The following ROCK2 variants were observed in gnomAD, a reference collection of about 807,000 sequenced individuals.
The protein encoded by ROCK2 is rho-associated protein kinase 2.
Under a neutral mutation model 195.1 loss-of-function variants are expected in ROCK2, and 61 were observed. The observed-to-expected ratio is 0.31, with a 90% CI of 0.25 to 0.39. The LOEUF is 0.39. ROCK2 is among the 10% of genes least tolerant of loss of function. The pLI, the probability that ROCK2 is intolerant of heterozygous loss-of-function variation, is 1.00. For missense variants in ROCK2, 1,109 were observed against 1,637.4 expected (o/e 0.68, Z 5.57); for synonymous variants, 504 against 545.5 (o/e 0.92, Z 1.06).
Position 11,318,554 on chromosome 2 carries a change from T to C in ROCK2, c.141+25442A>G, listed in dbSNP as rs139187574. The stretch of plus-strand genomic sequence containing the variant: ...CAAAAATTTTCTCCCATTCTATAGG[T>C]TGCCTGTTCTGATGGTAGTTTCTTT... On this transcript the variant is annotated intron_variant, in intron 1 of 32. Transcript: ENST00000315872. Among the ~76,000 whole-genome samples the C allele has an allele frequency of 3.9e-3, 593 of 152,272 alleles. 2 individuals carry two copies. The highest frequency in any genetic ancestry group is 0.013 in the African/African-American group (531 of 41,548).
At chr2:11,254,048 T>A (rs1003656256) in intron 3 of ROCK2, among the ~76,000 whole-genome samples, 1 of 152,176 alleles carries the variant, frequency 6.6e-6, no homozygotes, top group Non-Finnish European at 1.5e-5. Flanking sequence ...GGGAGTGGGT[T>A]TGAACAAATC....
At chr2:11,191,312 A>G (rs1478940346) in intron 32 of ROCK2, among the ~76,000 whole-genome samples, 3 of 152,234 alleles carry the variant, frequency 2.0e-5, no homozygotes, top group African/African-American at 7.2e-5. Context: ...TCACATAGCT[A>G]TCCGAAAATG....
chr2:11,269,853 C>T (rs1213062422), intron 3 of ROCK2, among the ~76,000 whole-genome samples: 1 of 152,150 alleles, frequency 6.6e-6, no homozygotes, highest in East Asian at 1.9e-4. Flanking sequence ...CAGGCTCAAG[C>T]AATCCTGCCA....
intron 1 of ROCK2, among the ~76,000 whole-genome samples, chr2:11,312,462 C>A (rs148939442): frequency 7.8e-4 from 118 of 152,214 alleles, no homozygotes; most frequent in African/African-American, 2.7e-3. Flanking sequence ...CCCCCACTTT[C>A]TCCAAGCAAC....
intron 17 of ROCK2, among the ~76,000 whole-genome samples, chr2:11,212,207 GT>G (rs1664274369): frequency 1.3e-5 from 2 of 152,056 alleles, no homozygotes; most frequent in Non-Finnish European, 2.9e-5. Flanking sequence ...GTGGGCCATG[GT>G]GCTCAACCTT....
At position 11,197,842 on chromosome 2, in the gene ROCK2, C is replaced by A; in HGVS notation, c.3100-137G>T. 2.2e-6 allele frequency: 1 copy of A among 452,336 alleles called. No homozygotes were observed. Among genetic ancestry groups the A allele is most frequent in the Non-Finnish European group, 3.6e-6 (1 of 275,826 alleles). 28.0% of individuals were successfully genotyped at this position (452,336 alleles called of 1,614,324 possible). On this transcript the variant is annotated intron_variant, in intron 25 of 32. Transcript: ENST00000315872. The surrounding 1 kb of genome is among the most constrained non-coding windows in gnomAD (Gnocchi z 4.9). The stretch of plus-strand genomic sequence containing the variant: ...CTACATACAGGGCTACAAAGAAACA[C>A]TTTCTATAATATTTAAATAATACAC...
intron 1 of ROCK2, among the ~76,000 whole-genome samples, chr2:11,312,700 C>T (rs892464585): frequency 2.6e-5 from 4 of 151,934 alleles, no homozygotes; most frequent in Non-Finnish European, 5.9e-5. Flanking sequence ...ATGTTTTTAG[C>T]AGCTTTATAA....
At chr2:11,308,779 C>A in intron 1 of ROCK2, 2 of 1,612,242 alleles carry the variant, frequency 1.2e-6, no homozygotes, top group Non-Finnish European at 1.7e-6. Context: ...AAAGGTTTAC[C>A]AGCACCAAGT....
rs116441568 is a variant in ROCK2, at chr2:11,262,586, A to G, written c.325-12788T>C. ...AGTCTCATGAGATCTAATGGTTATT[A>G]TAAGGGGGGAGTTTTCCTGCACAAG... On this transcript the variant is annotated intron_variant, in intron 3 of 32. Coordinates refer to ENST00000315872, the MANE Select transcript of ROCK2 (RefSeq NM_004850.5). Among the ~76,000 whole-genome samples, 1,176 of 152,248 alleles carry G rather than the reference A, an allele frequency of 7.7e-3. 23 individuals are homozygous for G. The highest frequency in any genetic ancestry group is 0.027 in the African/African-American group (1,118 of 41,548).
chr2:11,204,219 C>T (rs932331596), intron 20 of ROCK2, among the ~76,000 whole-genome samples: 2 of 152,142 alleles, frequency 1.3e-5, no homozygotes, highest in African/African-American at 2.4e-5. Context: ...TCCCTGTTGT[C>T]AGACTTGAAT....
intron 1 of ROCK2, among the ~76,000 whole-genome samples, chr2:11,318,737 GA>G (rs2148244436): frequency 6.6e-6 from 1 of 152,230 alleles, no homozygotes; most frequent in Non-Finnish European, 1.5e-5. Context: ...GGTTTTAAAT[GA>G]CTAACATTTA....
In ROCK2 at chr2:11,302,290, A is replaced by T. The variant is rs143983488; in HGVS notation, c.142-14554T>A. ...CATTTCATGCTCTTCTTAATATTCAAATTTGTTGGGGTGGGGTGTTTTTTT... is the reference window on the plus strand; with the variant it reads ...CATTTCATGCTCTTCTTAATATTCATATTTGTTGGGGTGGGGTGTTTTTTT... On this transcript the variant is annotated intron_variant, in intron 1 of 32. Transcript: ENST00000315872. Among the ~76,000 whole-genome samples, 1,069 of 151,504 alleles carry T rather than the reference A, an allele frequency of 7.1e-3. 15 individuals carry two copies. The highest frequency in any genetic ancestry group is 0.025 in the African/African-American group (1,018 of 41,366).
chr2:11,243,143 A>C (rs1037416276), intron 4 of ROCK2, among the ~76,000 whole-genome samples: 1 of 152,214 alleles, frequency 6.6e-6, no homozygotes, highest in African/African-American at 2.4e-5. Context: ...GGAAATGTTC[A>C]AAACTGAAAG....
chr2:11,282,934 C>CA (rs1192060328), intron 3 of ROCK2, among the ~76,000 whole-genome samples: 2 of 151,988 alleles, frequency 1.3e-5, no homozygotes, highest in African/African-American at 4.8e-5. Context: ...ACAACCCAAT[C>CA]AAAAAATGGG....
At chr2:11,203,719 C>T (rs1663948338) in intron 20 of ROCK2, among the ~76,000 whole-genome samples, 1 of 152,104 alleles carries the variant, frequency 6.6e-6, no homozygotes, top group Admixed American at 6.6e-5. Flanking sequence ...TGTCACTTAA[C>T]TGTGTCATTT....
At chr2:11,252,432 C>G (rs1363547745) in intron 3 of ROCK2, among the ~76,000 whole-genome samples, 2 of 151,852 alleles carry the variant, frequency 1.3e-5, no homozygotes, top group Non-Finnish European at 2.9e-5. Flanking sequence ...ACCATTTGAC[C>G]CAGCAATCCC....
rs567241513 is a variant in ROCK2, at chr2:11,238,708, A to T, written c.463-2746T>A. Among the ~76,000 whole-genome samples, 6 of 152,114 alleles carry T rather than the reference A, an allele frequency of 3.9e-5. No individual in the cohort carries two copies. In the East Asian group the frequency reaches 7.7e-4, roughly 20 times the overall value. On this transcript the variant is annotated intron_variant, in intron 4 of 32. Coordinates refer to ENST00000315872, the MANE Select transcript of ROCK2 (RefSeq NM_004850.5). ...ATACAAATATTAAAAATTAGCCAGG[A>T]ATGGTCGCACACCTGTAGTCCCAGC... is the stretch of plus-strand genomic sequence containing the variant.
chr2:11,301,851 G>A (rs1471659726), intron 1 of ROCK2, among the ~76,000 whole-genome samples: 2 of 151,484 alleles, frequency 1.3e-5, no homozygotes, highest in East Asian at 1.9e-4. Flanking sequence ...GTCAGGTTTA[G>A]AATTCCTTTC....
chr2:11,294,622 G>A (rs6706126), intron 1 of ROCK2, among the ~76,000 whole-genome samples: 122,779 of 152,060 alleles, frequency 0.81, 51,199 homozygotes, highest in East Asian at 0.99. Context: ...ATTAAATTCT[G>A]ATTTTTTTCT....
Sources: gnomAD v4.1 joint callset for allele counts (sites outside exome capture counted in the v4.1 genomes callset) on GRCh38, gnomAD v4.1.1 for gene constraint, Gnocchi (gnomAD v3.1) non-coding constraint, MANE v1.5 for transcripts, NCBI Gene and HGNC (gene_info 2026-07-23, HGNC 2026-07-21) for gene names.